ERCC4: variants seen among roughly 807,000 people sequenced by gnomAD.
ERCC4 encodes the protein DNA repair endonuclease XPF.
A neutral mutation model predicts 76.9 loss-of-function variants in ERCC4; 65 were observed. The observed-to-expected ratio is 0.84, with a 90% CI of 0.69 to 1.04. The LOEUF is 1.04. Among genes scored for constraint, ERCC4 ranks in the 50% least tolerant of loss-of-function variants. ERCC4 has a pLI of 0.00. For synonymous variants in ERCC4, 463 were observed against 410.1 expected (o/e 1.13, Z -1.56); for missense variants, 1,214 against 1,128.2 (o/e 1.08, Z -1.09).
chr16:13,931,768 C>T (rs1344034618), intron 5 of ERCC4: 1 of 189,380 alleles, frequency 5.3e-6, no homozygotes, highest in Non-Finnish European at 1.1e-5. Context: ...ACCAAAGAAG[C>T]TGTGTTTTAA....
At chr16:13,926,919 A>G (rs2032083768) in intron 3 of ERCC4, 163 bp downstream of exon 3, 1 of 628,208 alleles carries the variant, frequency 1.6e-6, no homozygotes, top group Admixed American at 2.7e-5. Flanking sequence ...CCAGCTATAA[A>G]TATGTATTCA....
In ERCC4 at chr16:13,949,578, G is replaced by GT. The variant is rs2032592371; in HGVS notation, c.*1232dup. The GT allele has an allele frequency of 4.3e-6, 1 of 232,646 alleles. No individual in the cohort carries two copies. The highest frequency in any genetic ancestry group is 8.5e-6 in the Non-Finnish European group (1 of 117,800). The allele number at this position is 232,646 out of a possible 1,614,324, so 14.4% of individuals were successfully genotyped here. On this transcript the variant is annotated 3_prime_UTR_variant, in exon 11 of 11. Transcript: ENST00000311895. Reference sequence around the variant, plus strand: ...TTCCTGCCTTGAGATAAAAAGGAGTGTAGGTAAATGAAAGATCAATGTATG... The same window carrying GT: ...TTCCTGCCTTGAGATAAAAAGGAGTGTTAGGTAAATGAAAGATCAATGTATG...
chr16:13,937,155 A>C (rs2032316904), intron 8 of ERCC4, among the ~76,000 whole-genome samples: 1 of 146,756 alleles, frequency 6.8e-6, no homozygotes, highest in South Asian at 2.2e-4. Context: ...AGCTCAAATG[A>C]TCCTCCCACC....
rs549555687 is a variant in ERCC4, at chr16:13,932,009, C to T, written c.974-148C>T. The T allele has an allele frequency of 1.2e-5, 9 of 756,574 alleles. No individual in the cohort carries two copies. In the Admixed American group the frequency reaches 1.7e-4, roughly 15 times the overall value. The allele number at this position is 756,574 out of a possible 1,614,324, so 46.9% of individuals were successfully genotyped here. ...CCAGAAAACCACTGGTCCAGCTGAA[C>T]AGCGACAGATCACAGTAGTGGGAGG... On this transcript the variant is annotated intron_variant, in intron 5 of 10. Transcript: ENST00000311895.
intron 8 of ERCC4, among the ~76,000 whole-genome samples, chr16:13,936,412 G>A (rs1192010716): frequency 6.6e-6 from 1 of 152,226 alleles, no homozygotes; most frequent in Non-Finnish European, 1.5e-5. Context: ...TCAGAGTAGA[G>A]ATGAATGGAG....
intron 2 of ERCC4, 100 bp from the exon 3 acceptor site, chr16:13,926,461 G>A (rs749427018): frequency 7.0e-6 from 7 of 1,000,146 alleles, no homozygotes; most frequent in Non-Finnish European, 1.1e-5. Context: ...AGTCTAGAAT[G>A]GTGCTTATTC....
At chr16:13,926,949 T>A (rs2032084208) in intron 3 of ERCC4, 193 bp downstream of exon 3, 1 of 591,996 alleles carries the variant, frequency 1.7e-6, no homozygotes. Flanking sequence ...TGGTTTTATT[T>A]AAGTCGAGAG....
At chr16:13,926,926 T>C in intron 3 of ERCC4, 170 bp downstream of exon 3, 1 of 612,892 alleles carries the variant, frequency 1.6e-6, no homozygotes, top group South Asian at 1.9e-5. Context: ...TAAATATGTA[T>C]TCACCAAGTT....
At chr16:13,929,737 G>A (rs569702477) in intron 4 of ERCC4, among the ~76,000 whole-genome samples, 11 of 152,240 alleles carry the variant, frequency 7.2e-5, no homozygotes, top group Admixed American at 4.6e-4. Flanking sequence ...AGGCCGAGGC[G>A]GGCAGATCAT....
At chr16:13,923,480 T>A (rs1483174406) in intron 2 of ERCC4, among the ~76,000 whole-genome samples, 2 of 152,104 alleles carry the variant, frequency 1.3e-5, no homozygotes, top group Non-Finnish European at 2.9e-5. Context: ...TCAAGAAAAA[T>A]TTGATAAATA....
At chr16:13,920,690 C>T (rs1189287552) in intron 1 of ERCC4, among the ~76,000 whole-genome samples, 1 of 151,828 alleles carries the variant, frequency 6.6e-6, no homozygotes, top group African/African-American at 2.4e-5. Context: ...AGAGGAATGC[C>T]AGTCCCTGAC....
chr16:13,936,746 T>C (rs971966089), intron 8 of ERCC4, among the ~76,000 whole-genome samples: 1 of 152,178 alleles, frequency 6.6e-6, no homozygotes, highest in Non-Finnish European at 1.5e-5. Context: ...TTTCTCTGTT[T>C]ACACTTCAAA....
At chr16:13,944,865 A>T in intron 10 of ERCC4, 30 bp downstream of exon 10, 9 of 1,332,954 alleles carry the variant, frequency 6.8e-6, no homozygotes, top group Non-Finnish European at 8.7e-6. Context: ...AGGCACCTCC[A>T]TTGCCTGCAA....
chr16:13,927,951 T>C, intron 3 of ERCC4, 77 bp from the exon 4 acceptor site: 1 of 950,154 alleles, frequency 1.1e-6, no homozygotes, highest in Non-Finnish European at 1.7e-6. Flanking sequence ...TTTATAAAAA[T>C]GGGGTGTTAA....
At chr16:13,928,532 G>T (rs946904675) in intron 4 of ERCC4, among the ~76,000 whole-genome samples, 5 of 152,084 alleles carry the variant, frequency 3.3e-5, no homozygotes, top group South Asian at 2.1e-4. Context: ...GACAACACTT[G>T]GATGTCTACA....
intron 4 of ERCC4, among the ~76,000 whole-genome samples, chr16:13,930,294 TAGTCAGAGTC>T (rs1363935174): frequency 6.6e-6 from 1 of 152,096 alleles, no homozygotes; most frequent in Non-Finnish European, 1.5e-5. Context: ...CCATCCAGGA[TAGTCAGAGTC>T]AAACTTGGCA....
intron 2 of ERCC4, among the ~76,000 whole-genome samples, chr16:13,925,733 G>A (rs1342641261): frequency 6.6e-6 from 1 of 152,086 alleles, no homozygotes. Context: ...AGACAGACTC[G>A]TCTTGGAGTA....
At chr16:13,942,176 G>A (rs1366181641) in intron 9 of ERCC4, among the ~76,000 whole-genome samples, 1 of 152,238 alleles carries the variant, frequency 6.6e-6, no homozygotes, top group Non-Finnish European at 1.5e-5. Context: ...ATTGTTTTGT[G>A]TCTGTCACAT....
intron 9 of ERCC4, among the ~76,000 whole-genome samples, chr16:13,938,155 G>A (rs897441488): frequency 1.3e-5 from 2 of 152,222 alleles, no homozygotes; most frequent in Admixed American, 6.5e-5. Flanking sequence ...GATAAAACAC[G>A]AGAAATATAG....
Sources: gnomAD v4.1 joint callset for allele counts (sites outside exome capture counted in the v4.1 genomes callset) on GRCh38, gnomAD v4.1.1 for gene constraint, MANE v1.5 for transcripts, NCBI Gene and HGNC (gene_info 2026-07-23, HGNC 2026-07-21) for gene names.